SLC22A9: variants seen among roughly 807,000 people sequenced by gnomAD.
The protein encoded by SLC22A9 is solute carrier family 22 member 9, also known as organic anion transporter 7.
SLC22A9 carries 64 observed loss-of-function variants against 50.1 expected under a neutral mutation model. The observed-to-expected ratio is 1.28, with a 90% CI of 1.04 to 1.57. The LOEUF (loss-of-function observed/expected upper bound fraction) is 1.57. Ranked by LOEUF, SLC22A9 falls within the 40% of genes most tolerant of loss-of-function variation. The pLI, the probability that SLC22A9 is intolerant of heterozygous loss-of-function variation, is 0.00. For synonymous variants in SLC22A9, 261 were observed against 242.5 expected, an observed-to-expected ratio of 1.08 and a Z score of -0.71; for missense variants, 757 against 676.1, an observed-to-expected ratio of 1.12 and a Z score of -1.33.
At chr11:63,396,126 C>T (rs1030183846) in intron 6 of SLC22A9, among the ~76,000 whole-genome samples, 1 of 152,108 alleles carries the variant, frequency 6.6e-6, no homozygotes, top group Non-Finnish European at 1.5e-5. Context: ...CCCAGGCTAC[C>T]CACCTCCCAG....
At chr11:63,380,046 C>CA (rs1381338398) in intron 5 of SLC22A9, among the ~76,000 whole-genome samples, 1 of 151,682 alleles carries the variant, frequency 6.6e-6, no homozygotes. Flanking sequence ...AAACACTTCT[C>CA]AAAAAAAGAC....
chr11:63,408,764 C>T lies in SLC22A9; in HGVS notation c.1486C>T (p.Pro496Ser), dbSNP rs775652935. 1 of 1,614,002 alleles carries T rather than the reference C, an allele frequency of 6.2e-7. No individual in the cohort carries two copies. Among genetic ancestry groups the T allele is most frequent in the South Asian group, 1.1e-5 (1 of 91,088 alleles). Residue 496 changes from proline (P) to serine (S), a missense_variant, in exon 9 of 10, where the codon CCC (proline) becomes TCC (serine). By Grantham distance (74) the Pro-to-Ser change is moderately conservative. Coordinates refer to ENST00000279178, the MANE Select transcript of SLC22A9 (RefSeq NM_080866.3). ...LMMILSVYSP[P>S]LPWIIYGVFP... ...GATGATCCTAAGTGTGTATTCTCCA[C>T]CCCTGCCCTGGATCATCTATGGAGT...
chr11:63,378,421 C>G lies in SLC22A9; in HGVS notation c.954+2653C>G, dbSNP rs555311521. Among the ~76,000 whole-genome samples the G allele has an allele frequency of 1.6e-4, 25 of 152,192 alleles. No individual in the cohort carries two copies. In the South Asian group the frequency reaches 5.2e-3, roughly 32 times the overall value. The stretch of plus-strand genomic sequence containing the variant: ...TTGACAAACCCAAGCCAAGATCATA[C>G]TGAATACACAAAACCTGGAAGCAGT... On this transcript the variant is annotated intron_variant, in intron 5 of 9. Coordinates refer to ENST00000279178, the MANE Select transcript of SLC22A9 (RefSeq NM_080866.3).
chr11:63,369,813 G>A lies in SLC22A9; in HGVS notation c.-244G>A, dbSNP rs1312992385. ...CACATTTCATTGTAAACGACTGGGAGTATCTGAGCAAATTATTTCTTACGT... is the reference window on the plus strand; with the variant it reads ...CACATTTCATTGTAAACGACTGGGAATATCTGAGCAAATTATTTCTTACGT... On this transcript the variant is annotated 5_prime_UTR_variant, in exon 1 of 10. Coordinates refer to ENST00000279178, the MANE Select transcript of SLC22A9 (RefSeq NM_080866.3). The A allele has an allele frequency of 2.1e-6, 1 of 471,324 alleles. No individual in the cohort carries two copies. The highest frequency in any genetic ancestry group is 2.0e-5 in the African/African-American group (1 of 50,678). 29.2% of individuals were successfully genotyped at this position (471,324 alleles called of 1,614,324 possible). A position where few individuals can be genotyped will look rare whatever the true frequency, so the allele number is the denominator to read the frequency against.
rs749250196 is a variant in SLC22A9, at chr11:63,408,219, A to C, written c.1396A>C (p.Arg466=). ...AAATGAAGTAATTCCCACCATAATC[A>C]GGTACAGAACCTTAAGTATGCCCTG... ...HGNEVIPTII[R]ARAMGINATF... is the part of the protein sequence containing the mutation. Residue 466 remains arginine (R), a splice_region_variant and synonymous_variant, in exon 8 of 10, where the codon AGG becomes CGG. Coordinates refer to ENST00000279178, the MANE Select transcript of SLC22A9 (RefSeq NM_080866.3). 86 of 1,612,590 alleles carry C rather than the reference A, an allele frequency of 5.3e-5. No homozygotes were observed. The highest frequency in any genetic ancestry group is 7.0e-5 in the Non-Finnish European group (83 of 1,178,882).
intron 1 of SLC22A9, 145 bp downstream of exon 1, chr11:63,370,603 G>T (rs1217732135): frequency 4.2e-6 from 4 of 948,362 alleles, no homozygotes; most frequent in Non-Finnish European, 5.9e-6. Context: ...TTTATTAAAT[G>T]TCTGACACCT....
chr11:63,379,472 A>C (rs147746159), intron 5 of SLC22A9, among the ~76,000 whole-genome samples: 44 of 152,268 alleles, frequency 2.9e-4, no homozygotes, highest in African/African-American at 1.0e-3. Context: ...CATGACAAAG[A>C]CTCCAAAAGC....
At chr11:63,399,430 A>G (rs892449354) in intron 6 of SLC22A9, among the ~76,000 whole-genome samples, 3 of 152,216 alleles carry the variant, frequency 2.0e-5, no homozygotes, top group Non-Finnish European at 4.4e-5. Context: ...TAGATTTCAC[A>G]TCAATACTGT....
At chr11:63,407,669 G>A (rs1271646123) in intron 7 of SLC22A9, among the ~76,000 whole-genome samples, 1 of 151,950 alleles carries the variant, frequency 6.6e-6, no homozygotes, top group East Asian at 1.9e-4. Context: ...ACTCTCTTCT[G>A]CAACCCTAGC....
At chr11:63,378,447 C>T (rs1459692686) in intron 5 of SLC22A9, among the ~76,000 whole-genome samples, 1 of 152,060 alleles carries the variant, frequency 6.6e-6, no homozygotes, top group Non-Finnish European at 1.5e-5. Flanking sequence ...TGGAAGCAGT[C>T]CCCTTGAGAA....
Position 63,382,067 on chromosome 11 carries a change from A to T in SLC22A9, c.955-92A>T, listed in dbSNP as rs77367866. ...TTCCACCAGACAGAAAGTGCAGTCA[A>T]CTCACTTCTCATCTGTGGGTTGACC... On this transcript the variant is annotated intron_variant, in intron 5 of 9. Coordinates refer to ENST00000279178, the MANE Select transcript of SLC22A9 (RefSeq NM_080866.3). The T allele has an allele frequency of 1.9e-3, 1,498 of 802,550 alleles. 21 individuals are homozygous for T. The African/African-American group carries it at 0.021, about 11-fold the overall frequency. The allele number at this position is 802,550 out of a possible 1,614,324, so 49.7% of individuals were successfully genotyped here.
At chr11:63,387,518 T>C (rs1205090575) in intron 6 of SLC22A9, among the ~76,000 whole-genome samples, 2 of 152,188 alleles carry the variant, frequency 1.3e-5, no homozygotes, top group East Asian at 3.9e-4. Context: ...CTGATCTATG[T>C]TTTTATGTCT....
chr11:63,400,918 C>A (rs2014941328), intron 6 of SLC22A9, among the ~76,000 whole-genome samples: 1 of 152,060 alleles, frequency 6.6e-6, no homozygotes, highest in African/African-American at 2.4e-5. Context: ...ATCATTTCAA[C>A]AGACGCCAAA....
At position 63,374,069 on chromosome 11, in the gene SLC22A9, G is replaced by A; in HGVS notation, c.830+7G>A. 6.3e-7 allele frequency: 1 copy of A among 1,599,098 alleles called. No individual in the cohort carries two copies. The highest frequency in any genetic ancestry group is 8.5e-7 in the Non-Finnish European group (1 of 1,173,860). On this transcript the variant is annotated splice_region_variant and intron_variant, in intron 4 of 9. Coordinates refer to ENST00000279178, the MANE Select transcript of SLC22A9 (RefSeq NM_080866.3). ...TGATCTTTCTGACCTCAAGGTATGAGTTTGTTTCTTCTTTTGTCTTAATGA... is the reference window on the plus strand; with the variant it reads ...TGATCTTTCTGACCTCAAGGTATGAATTTGTTTCTTCTTTTGTCTTAATGA...
chr11:63,406,410 C>G, intron 6 of SLC22A9, 87 bp from the exon 7 acceptor site: 1 of 1,214,078 alleles, frequency 8.2e-7, no homozygotes, highest in Non-Finnish European at 1.2e-6. Flanking sequence ...TTAACAATCC[C>G]TAGCTGCCTG....
At chr11:63,373,037 A>G (rs55652716) in intron 2 of SLC22A9, among the ~76,000 whole-genome samples, 6,014 of 152,224 alleles carry the variant, frequency 0.04, 204 homozygotes, top group African/African-American at 0.082. Flanking sequence ...CTGCCTCACC[A>G]CAGGCTATAT....
intron 2 of SLC22A9, among the ~76,000 whole-genome samples, chr11:63,372,453 T>G (rs1162488842): frequency 3.3e-5 from 5 of 152,268 alleles, no homozygotes; most frequent in Middle Eastern, 3.4e-3. Flanking sequence ...AACCATTTGG[T>G]TAGGTACCAC....
intron 6 of SLC22A9, among the ~76,000 whole-genome samples, chr11:63,399,118 C>A (rs1322416894): frequency 3.3e-5 from 5 of 151,696 alleles, no homozygotes; most frequent in African/African-American, 1.2e-4. Flanking sequence ...TCCTTATACA[C>A]AAAAAAGAAA....
At chr11:63,400,639 T>C (rs2014936793) in intron 6 of SLC22A9, among the ~76,000 whole-genome samples, 2 of 152,060 alleles carry the variant, frequency 1.3e-5, no homozygotes, top group East Asian at 1.9e-4. Flanking sequence ...ATAAAGGAGG[T>C]GGGAATACTT....
Sources: allele counts gnomAD v4.1 joint callset (sites outside exome capture counted in the v4.1 genomes callset), GRCh38; gene constraint gnomAD v4.1.1; transcripts MANE v1.5; gene names NCBI Gene and HGNC (gene_info 2026-07-23, HGNC 2026-07-21).